The following PAN2 variants were observed in gnomAD, a reference collection of about 807,000 sequenced individuals.
PAN2 encodes poly(A) specific ribonuclease subunit PAN2, also known as PAN2-PAN3 deadenylation complex catalytic subunit PAN2.
A neutral mutation model predicts 133.3 loss-of-function variants in PAN2; 68 were observed. That is an observed-to-expected ratio of 0.51 (90% CI 0.42 to 0.62). The LOEUF (loss-of-function observed/expected upper bound fraction) is 0.62. PAN2 is among the 20% of genes least tolerant of loss of function. PAN2 has a pLI of 0.00. For synonymous variants in PAN2, 462 were observed against 544.6 expected (o/e 0.85, Z 2.11); for missense variants, 1,042 against 1,500.5 (o/e 0.69, Z 5.05).
At chr12:56,321,545 A>C (rs1364250440) in intron 20 of PAN2, among the ~76,000 whole-genome samples, 132 of 11,812 alleles carry the variant, frequency 0.011, no homozygotes, top group Non-Finnish European at 0.049. Context: ...TAGGCTAATT[A>C]AAAAAAAAAA....
rs1406690705 is a variant in PAN2 at position 56,322,721 on chromosome 12, T to C, written c.2531A>G (p.Tyr844Cys). The change falls in exon 18 of 26, where the codon TAT becomes TGT. Residue 844 changes from tyrosine (Y) to cysteine (C), a missense_variant. Physicochemically the swap from Tyr to Cys is radical, Grantham distance 194. Transcript: ENST00000440411. Reference protein sequence around the residue: ...PARAEEEHGVYVYDLMATVVH... With the variant: ...PARAEEEHGVCVYDLMATVVH... Reference sequence around the variant, plus strand: ...CACAGTAGCCATCAGGTCATACACATAGACACCATGCTCCTCCTCTGCCCT... The same window carrying C: ...CACAGTAGCCATCAGGTCATACACACAGACACCATGCTCCTCCTCTGCCCT... 5 of 1,613,816 alleles carry C rather than the reference T, an allele frequency of 3.1e-6. No individual in the cohort carries two copies. Among genetic ancestry groups the C allele is most frequent in the African/African-American group, 2.7e-5 (2 of 74,846 alleles).
At chr12:56,320,504 C>T (rs948654108) in intron 20 of PAN2, among the ~76,000 whole-genome samples, 2 of 151,912 alleles carry the variant, frequency 1.3e-5, no homozygotes, top group Admixed American at 6.6e-5. Context: ...ATTAGCCGGG[C>T]GTGGTGGCAC....
intron 20 of PAN2, among the ~76,000 whole-genome samples, chr12:56,321,275 C>T (rs1228067187): frequency 6.1e-5 from 9 of 148,578 alleles, no homozygotes; most frequent in Admixed American, 1.3e-4. Context: ...GTCACCCAGG[C>T]TGGAGTGCAA....
In PAN2 at chr12:56,328,711, G is replaced by A. The variant is rs887572568; in HGVS notation, c.283-70C>T. On this transcript the variant is annotated intron_variant, in intron 2 of 25. Coordinates refer to ENST00000440411, the MANE Select transcript of PAN2 (RefSeq NM_014871.6). ...AGGGCCACCCTACGGCCAGGTCAGG[G>A]ACTGAACATGGCTCAGCTTGGATCC... 74 of 1,288,082 alleles carry A rather than the reference G, an allele frequency of 5.7e-5. 1 individual carries two copies. The Middle Eastern group carries it at 1.6e-3, about 27-fold the overall frequency. The allele number at this position is 1,288,082 out of a possible 1,614,324, so 79.8% of individuals were successfully genotyped here. A position where few individuals can be genotyped will look rare whatever the true frequency, so the allele number is the denominator to read the frequency against.
chr12:56,320,562 T>G (rs1874376745), intron 20 of PAN2, among the ~76,000 whole-genome samples: 1 of 151,932 alleles, frequency 6.6e-6, no homozygotes, highest in African/African-American at 2.4e-5. Context: ...GGGAATCGCT[T>G]GAACCCGGGA....
chr12:56,323,194 A>C lies in PAN2; in HGVS notation c.2361T>G (p.Ser787Arg). 1 of 1,613,946 alleles carries C rather than the reference A, an allele frequency of 6.2e-7. No individual in the cohort carries two copies. Among genetic ancestry groups the C allele is most frequent in the Non-Finnish European group, 8.5e-7 (1 of 1,179,980 alleles). Residue 787 changes from serine to arginine, a missense_variant, in exon 17 of 26, where the codon AGT becomes AGG. Transcript: ENST00000440411. ...AGGGACACACCAGCACACCCTCTGG[A>C]CTCCCTAGTTCCTTCCTATCAGGTC... ...FALADWKELG[S>R]PEGVLVCPSI...
Position 56,327,557 on chromosome 12 carries a change from A to G in PAN2, c.726T>C (p.Phe242=), listed in dbSNP as rs769701547. 51 of 1,614,108 alleles carry G rather than the reference A, an allele frequency of 3.2e-5. No homozygotes were observed. The highest frequency in any genetic ancestry group is 4.2e-5 in the Non-Finnish European group (50 of 1,180,036). The change falls in exon 6 of 26, where the codon TTT becomes TTC. Residue 242 remains phenylalanine (F), a synonymous_variant. Transcript: ENST00000440411. The part of the protein sequence containing the change: ...FDAFSGSLSD[F]DVHGNLLAAC... ...CAGCTAGCAGGTTGCCATGCACATC[A>G]AAGTCTGACAGACTTCCTGAGAAGG...
In PAN2 at chr12:56,332,941, G is replaced by T. The variant is rs1197972839; in HGVS notation, c.154C>A (p.Gln52Lys). 3.0e-5 allele frequency: 49 copies of T among 1,614,060 alleles called. No individual in the cohort carries two copies. The Admixed American group carries it at 8.2e-4, about 27-fold the overall frequency. ...CCTTCCATTATGTGCACTGATTCCT[G>T]GACGGGAAGAGCCTCCAAGGCCACT... ...EGVALEALPV[Q>K]ESVHIMEGVY... The change falls in exon 2 of 26, where the codon CAG (glutamine) becomes AAG (lysine). Residue 52 changes from glutamine to lysine, a missense_variant. By Grantham distance (53) the Gln-to-Lys change is moderately conservative. Transcript: ENST00000440411.
chr12:56,325,331 G>A lies in PAN2; in HGVS notation c.1479+4C>T, dbSNP rs1226518151. 3.7e-6 allele frequency: 6 copies of A among 1,614,088 alleles called. No individual in the cohort carries two copies. The highest frequency in any genetic ancestry group is 5.1e-6 in the Non-Finnish European group (6 of 1,180,000). On this transcript the variant is annotated splice_donor_region_variant and intron_variant, in intron 9 of 25. Coordinates refer to ENST00000440411, the MANE Select transcript of PAN2 (RefSeq NM_014871.6). ...ATCCCACAGGCCCTGATGTCCCCCAGCACCTTGCGGTATTTCTTAGAAACC... is the reference window on the plus strand; with the variant it reads ...ATCCCACAGGCCCTGATGTCCCCCAACACCTTGCGGTATTTCTTAGAAACC...
At chr12:56,327,666 G>A (rs757462908) in intron 5 of PAN2, 35 bp from the exon 6 acceptor site, 9 of 1,608,072 alleles carry the variant, frequency 5.6e-6, no homozygotes, top group Non-Finnish European at 7.7e-6. Flanking sequence ...TGCAAATTCT[G>A]TTATCAGGAA....
Position 56,319,997 on chromosome 12 carries a change from A to C in PAN2, c.2813T>G (p.Val938Gly). The C allele has an allele frequency of 6.2e-7, 1 of 1,614,186 alleles. No individual in the cohort carries two copies. The highest frequency in any genetic ancestry group is 8.5e-7 in the Non-Finnish European group (1 of 1,180,016). The change falls in exon 21 of 26, where the codon GTC becomes GGC. Residue 938 changes from valine (V) to glycine (G), a missense_variant. Physicochemically the swap from Val to Gly is moderately radical, Grantham distance 109. Coordinates refer to ENST00000440411, the MANE Select transcript of PAN2 (RefSeq NM_014871.6). This position sits in a 1 kb window ranked among gnomAD's most constrained non-coding sequence, Gnocchi z 5.4. Reference protein sequence around the residue: ...LNIKNPIEASVLLAEASLARK... With the variant: ...LNIKNPIEASGLLAEASLARK... ...TGCCAGCGAGGCTTCAGCCAGCAAGACACTTGCCTCAATAGGGTTCTTGAC... is the reference window on the plus strand; with the variant it reads ...TGCCAGCGAGGCTTCAGCCAGCAAGCCACTTGCCTCAATAGGGTTCTTGAC...
rs1875246978 is a variant in PAN2, at chr12:56,327,441, AGTGGTGTGATG to A, written c.831_841del (p.Ile278SerfsTer32). ...GAAGGCAGGATCCACATGTACTTGA[AGTGGTGTGATG>A]GCACGCATCATGCGCAAATCATACA... On this transcript the variant is annotated frameshift_variant, in exon 6 of 26. Coordinates refer to ENST00000440411, the MANE Select transcript of PAN2 (RefSeq NM_014871.6). LOFTEE classifies it high-confidence loss of function. 6.2e-7 allele frequency: 1 copy of A among 1,614,128 alleles called. No homozygotes were observed. Among genetic ancestry groups the A allele is most frequent in the Non-Finnish European group, 8.5e-7 (1 of 1,180,054 alleles).
intron 9 of PAN2, 56 bp from the exon 10 acceptor site, chr12:56,325,184 T>A: frequency 3.1e-6 from 5 of 1,596,868 alleles, no homozygotes; most frequent in Non-Finnish European, 4.3e-6. Context: ...CCCAAATCTT[T>A]CCAGTAGCCA....
At position 56,318,271 on chromosome 12, in the gene PAN2, C is replaced by T. The variant is rs1874131395; in HGVS notation, c.3528G>A (p.Lys1176=). ...LYEKGRKMDW[K]VPEPEGQTSP... Reference sequence around the variant, plus strand: ...TTGTTTGGCCCTCAGGCTCAGGCACCTTCCAGTCCATCTTTCTGCCCTTCT... The same window carrying T: ...TTGTTTGGCCCTCAGGCTCAGGCACTTTCCAGTCCATCTTTCTGCCCTTCT... The change falls in exon 25 of 26, where the codon AAG becomes AAA. Residue 1176 remains lysine (K), a synonymous_variant. Coordinates refer to ENST00000440411, the MANE Select transcript of PAN2 (RefSeq NM_014871.6). 6.2e-7 allele frequency: 1 copy of T among 1,614,006 alleles called. No homozygotes were observed. The highest frequency in any genetic ancestry group is 1.3e-5 in the African/African-American group (1 of 74,898).
intron 8 of PAN2, 138 bp from the exon 9 acceptor site, chr12:56,325,592 T>G (rs1875024169): frequency 9.8e-6 from 9 of 918,558 alleles, no homozygotes; most frequent in Non-Finnish European, 1.5e-5. Flanking sequence ...GCTGCTTCCT[T>G]TCTATTTCCA....
rs1323726351 is a variant in PAN2, at chr12:56,323,838, C to T, written c.2141G>A (p.Trp714Ter). 5 of 1,613,342 alleles carry T rather than the reference C, an allele frequency of 3.1e-6. No individual in the cohort carries two copies. Among genetic ancestry groups the T allele is most frequent in the Non-Finnish European group, 3.4e-6 (4 of 1,179,234 alleles). ...CTGGTACTTTTCACAGGTGTCACAC[C>T]AGGCCTGTGTATTCTGGTCCAGGCA... ...SICLDQNTQA[W>*]CDTCEKYQPT... is the part of the protein sequence containing the mutation. Residue 714 changes from tryptophan (W) to a stop codon, truncating the protein, a stop_gained, in exon 14 of 26, where the codon TGG becomes TAG. Transcript: ENST00000440411. LOFTEE classifies it high-confidence loss of function.
intron 20 of PAN2, among the ~76,000 whole-genome samples, chr12:56,320,954 C>T (rs1874438065): frequency 6.6e-6 from 1 of 150,766 alleles, no homozygotes; most frequent in Non-Finnish European, 1.5e-5. Flanking sequence ...GTCCCAGCTA[C>T]TCGGGAGGCT....
intron 10 of PAN2, 39 bp downstream of exon 10, chr12:56,324,970 A>G (rs370822620): frequency 6.2e-7 from 1 of 1,608,938 alleles, no homozygotes; most frequent in Non-Finnish European, 8.5e-7. Flanking sequence ...GAAGAAAAGC[A>G]GCAGGCACGT....
In PAN2 at chr12:56,324,331, G is replaced by C. The variant is rs61937686; in HGVS notation, c.1891C>G (p.Leu631Val). Residue 631 changes from leucine to valine, a missense_variant, in exon 12 of 26, where the codon CTG becomes GTG. Transcript: ENST00000440411. Reference sequence around the variant, plus strand: ...CCTCGATAAGCCTGTGGTATTTCCAGCTCCTGCATATCTTGATGCAGTTGA... The same window carrying C: ...CCTCGATAAGCCTGTGGTATTTCCACCTCCTGCATATCTTGATGCAGTTGA... ...LTQLHQDMQE[L>V]EIPQAYRGAG... The C allele has an allele frequency of 2.5e-6, 4 of 1,613,892 alleles. No individual in the cohort carries two copies. The African/African-American group carries it at 5.3e-5, about 22-fold the overall frequency.
Sources: gnomAD v4.1 joint callset for allele counts (sites outside exome capture counted in the v4.1 genomes callset) on GRCh38, gnomAD v4.1.1 for gene constraint, Gnocchi (gnomAD v3.1) non-coding constraint, MANE v1.5 for transcripts, NCBI Gene and HGNC (gene_info 2026-07-23, HGNC 2026-07-21) for gene names.